L3MBTL4: variants seen among roughly 807,000 people sequenced by gnomAD.
L3MBTL4 encodes the protein L3MBTL histone methyl-lysine binding protein 4.
In L3MBTL4, 70 loss-of-function variants were observed where a neutral mutation model predicts 84.5. The observed-to-expected ratio is 0.83, with a 90% CI of 0.68 to 1.01. The LOEUF (loss-of-function observed/expected upper bound fraction) is 1.01, where lower values mean the gene tolerates loss of function less well. L3MBTL4 is among the 50% of genes least tolerant of loss of function. The pLI is 0.00. For synonymous variants in L3MBTL4, 274 were observed against 259.8 expected, an observed-to-expected ratio of 1.05 and a Z score of -0.52; for missense variants, 715 against 754.8, an observed-to-expected ratio of 0.95 and a Z score of 0.62.
In L3MBTL4 at chr18:6,414,822, C is replaced by A. The variant is rs959168830; in HGVS notation, c.-112G>T. On this transcript the variant is annotated 5_prime_UTR_variant, in exon 1 of 19. Transcript: ENST00000317931. The surrounding 1 kb of genome is among the most constrained non-coding windows in gnomAD (Gnocchi z 5.4). ...TTACCCCCAGCGGAGCGGCGCCTGC[C>A]CGCAACGCCGACCGAGCTACAGGCG... is the stretch of plus-strand genomic sequence containing the variant. 6 of 151,138 alleles carry A rather than the reference C, an allele frequency of 4.0e-5. 1 individual carries two copies. Among genetic ancestry groups the A allele is most frequent in the African/African-American group, 1.2e-4 (5 of 41,420 alleles). The allele number at this position is 151,138 out of a possible 1,614,324, so 9.4% of individuals were successfully genotyped here. A position where few individuals can be genotyped will look rare whatever the true frequency, so the allele number is the denominator to read the frequency against.
chr18:6,130,448 C>A (rs989535860), intron 14 of L3MBTL4, among the ~76,000 whole-genome samples: 8 of 152,150 alleles, frequency 5.3e-5, no homozygotes, highest in Admixed American at 6.5e-5. Context: ...ACCCGCCCCC[C>A]CAACTTCTGA....
intron 10 of L3MBTL4, among the ~76,000 whole-genome samples, chr18:6,229,685 T>C (rs1004973255): frequency 6.6e-6 from 1 of 152,174 alleles, no homozygotes; most frequent in Non-Finnish European, 1.5e-5. Context: ...ATTTCATTCT[T>C]TTCCATGTGA....
In L3MBTL4 at chr18:6,171,830, T is replaced by A; in HGVS notation, c.1094A>T (p.Gln365Leu). ...ACAACAAAGAGCAAAGTACTCACGC[T>A]GTGGCACTTCCAGTGGATGCCCTGT... ...DVTGHPLEVP[Q>L]RTNDLKILPG... The change falls in exon 13 of 19, where the codon CAG becomes CTG. Residue 365 changes from glutamine (Q) to leucine (L), a missense_variant and splice_region_variant. By Grantham distance (113) the Gln-to-Leu change is moderately radical. Coordinates refer to ENST00000317931, the MANE Select transcript of L3MBTL4 (RefSeq NM_001330559.2). 1 of 1,531,754 alleles carries A rather than the reference T, an allele frequency of 6.5e-7. No homozygotes were observed. The highest frequency in any genetic ancestry group is 8.8e-7 in the Non-Finnish European group (1 of 1,130,454). The allele number at this position is 1,531,754 out of a possible 1,614,324, so 94.9% of individuals were successfully genotyped here. A position where few individuals can be genotyped will look rare whatever the true frequency, so the allele number is the denominator to read the frequency against.
intron 17 of L3MBTL4, 96 bp downstream of exon 17, chr18:5,969,297 C>T: frequency 7.3e-7 from 1 of 1,364,736 alleles, no homozygotes; most frequent in Non-Finnish European, 1.0e-6. Flanking sequence ...AAAAAGGGCG[C>T]TGTCCCAGAC....
At chr18:6,348,766 G>C (rs946043991) in intron 1 of L3MBTL4, among the ~76,000 whole-genome samples, 17 of 152,070 alleles carry the variant, frequency 1.1e-4, no homozygotes, top group Non-Finnish European at 1.9e-4. Context: ...AAAGTGAAAA[G>C]GCAATCCAAA....
chr18:6,237,810 G>A (rs779847339), intron 10 of L3MBTL4, among the ~76,000 whole-genome samples, 154 bp downstream of exon 10: 2 of 152,044 alleles, frequency 1.3e-5, no homozygotes, highest in African/African-American at 4.8e-5. Context: ...GGAAATGCAG[G>A]TTTCAGACAC....
chr18:6,078,961 G>C (rs563221918), intron 16 of L3MBTL4, among the ~76,000 whole-genome samples: 1 of 152,264 alleles, frequency 6.6e-6, no homozygotes, highest in South Asian at 2.1e-4. Context: ...ACATGTGCAG[G>C]TCGCAATACT....
chr18:6,309,372 A>G (rs1568469893), intron 3 of L3MBTL4, among the ~76,000 whole-genome samples: 3 of 152,254 alleles, frequency 2.0e-5, no homozygotes, highest in Admixed American at 6.5e-5. Context: ...CTAAATGTGC[A>G]TCTTTTCAAT....
chr18:6,046,397 C>T (rs951122313), intron 16 of L3MBTL4, among the ~76,000 whole-genome samples: 2 of 152,142 alleles, frequency 1.3e-5, no homozygotes, highest in Non-Finnish European at 2.9e-5. Context: ...TGATAGTTGA[C>T]CAAGTAGACC....
chr18:6,388,400 T>C (rs2054910796), intron 1 of L3MBTL4, among the ~76,000 whole-genome samples: 1 of 152,182 alleles, frequency 6.6e-6, no homozygotes, highest in Non-Finnish European at 1.5e-5. Flanking sequence ...AAAAAGTTGA[T>C]ACCTAACAAT....
At chr18:6,337,673 G>A (rs900492289) in intron 1 of L3MBTL4, among the ~76,000 whole-genome samples, 1 of 152,066 alleles carries the variant, frequency 6.6e-6, no homozygotes, top group African/African-American at 2.4e-5. Flanking sequence ...TATAGTTGCT[G>A]GACACATGGA....
At chr18:6,108,136 C>T (rs767692135) in intron 14 of L3MBTL4, among the ~76,000 whole-genome samples, 6 of 152,178 alleles carry the variant, frequency 3.9e-5, no homozygotes, top group East Asian at 1.9e-4. Flanking sequence ...AGGAGTGTCA[C>T]GCATGGTCCC....
chr18:5,981,618 C>A (rs964723118), intron 16 of L3MBTL4, among the ~76,000 whole-genome samples: 6 of 151,264 alleles, frequency 4.0e-5, no homozygotes. Flanking sequence ...GAGTTTAAGA[C>A]CAGCCTGGGC....
At chr18:6,223,131 A>T (rs368644025) in intron 10 of L3MBTL4, among the ~76,000 whole-genome samples, 1 of 152,154 alleles carries the variant, frequency 6.6e-6, no homozygotes, top group South Asian at 2.1e-4. Context: ...ATCTAAAAAA[A>T]CCAACTGTGT....
intron 13 of L3MBTL4, among the ~76,000 whole-genome samples, chr18:6,150,663 A>G (rs1249892546): frequency 1.3e-5 from 2 of 151,912 alleles, no homozygotes; most frequent in Non-Finnish European, 2.9e-5. Context: ...CTTCCCTCCA[A>G]CTCCCCTGTA....
intron 16 of L3MBTL4, among the ~76,000 whole-genome samples, chr18:6,035,738 G>A (rs910105616): frequency 6.6e-5 from 10 of 152,132 alleles, no homozygotes; most frequent in Admixed American, 6.6e-5. Flanking sequence ...ATTACCTTGA[G>A]CAGTATGGCC....
chr18:6,299,336 T>A (rs1483709653), intron 4 of L3MBTL4, among the ~76,000 whole-genome samples: 2 of 152,218 alleles, frequency 1.3e-5, no homozygotes, highest in Non-Finnish European at 2.9e-5. Context: ...TTTTTTCCCA[T>A]CCCATTTCTC....
At chr18:6,087,346 G>A (rs370939084) in intron 15 of L3MBTL4, among the ~76,000 whole-genome samples, 1 of 152,124 alleles carries the variant, frequency 6.6e-6, no homozygotes, top group African/African-American at 2.4e-5. Flanking sequence ...GCTCAAAGGG[G>A]CCACCATCAA....
At chr18:6,249,315 T>C (rs2047823544) in intron 5 of L3MBTL4, among the ~76,000 whole-genome samples, 1 of 152,214 alleles carries the variant, frequency 6.6e-6, no homozygotes, top group Non-Finnish European at 1.5e-5. Flanking sequence ...GTTCATGTTT[T>C]AACAAAACTG....
Sources: allele counts gnomAD v4.1 joint callset (sites outside exome capture counted in the v4.1 genomes callset), GRCh38; gene constraint gnomAD v4.1.1; non-coding constraint Gnocchi (gnomAD v3.1); transcripts MANE v1.5; gene names NCBI Gene and HGNC (gene_info 2026-07-23, HGNC 2026-07-21).